TRIM2: variants seen among roughly 807,000 people sequenced by gnomAD.
The protein encoded by TRIM2 is tripartite motif-containing protein 2.
A neutral mutation model predicts 75.2 loss-of-function variants in TRIM2; 20 were observed. That is an observed-to-expected ratio of 0.27 (90% confidence interval 0.19 to 0.39). TRIM2 has a LOEUF of 0.39. Ranked by LOEUF, TRIM2 falls within the 10% of genes least tolerant of loss-of-function variation. The probability of loss-of-function intolerance (pLI) is 1.00; values close to 1 mark genes in which losing one functional copy is unlikely to be tolerated. For missense variants in TRIM2, 660 were observed against 990.8 expected (o/e 0.67, Z 4.48); for synonymous variants, 373 against 388.3 (o/e 0.96, Z 0.46).
intron 1 of TRIM2, among the ~76,000 whole-genome samples, chr4:153,219,260 T>C (rs1253130863): frequency 6.6e-6 from 1 of 152,106 alleles, no homozygotes; most frequent in Non-Finnish European, 1.5e-5. Flanking sequence ...GACCCAACTG[T>C]TGAGGAGTGG....
At chr4:153,199,924 C>T (rs1171549455), upstream of TRIM2, among the ~76,000 whole-genome samples, 1 of 149,560 alleles carries the variant, frequency 6.7e-6, no homozygotes, top group Non-Finnish European at 1.5e-5. Flanking sequence ...CAGGCAGGCA[C>T]CACCATGGCC....
chr4:153,206,759 T>C (rs1735557655), intron 1 of TRIM2, among the ~76,000 whole-genome samples: 1 of 152,182 alleles, frequency 6.6e-6, no homozygotes, highest in South Asian at 2.1e-4. Context: ...CTCTAATCAC[T>C]TGCTTGGTTC....
At chr4:153,330,116 C>G (rs1771136653) in intron 11 of TRIM2, among the ~76,000 whole-genome samples, 1 of 152,108 alleles carries the variant, frequency 6.6e-6, no homozygotes, top group Non-Finnish European at 1.5e-5. Context: ...CTCCACAACT[C>G]CCGTATGAAA....
At chr4:153,281,137 C>A (rs1759245925) in intron 3 of TRIM2, among the ~76,000 whole-genome samples, 2 of 152,318 alleles carry the variant, frequency 1.3e-5, no homozygotes, top group Non-Finnish European at 2.9e-5. Context: ...ATAATCAGTT[C>A]TTTTCAAATT....
intron 1 of TRIM2, among the ~76,000 whole-genome samples, chr4:153,174,043 G>A (rs893080157): frequency 1.1e-5 from 1 of 87,500 alleles, no homozygotes; most frequent in Non-Finnish European, 2.3e-5. Flanking sequence ...GCCACAGGAG[G>A]GACAGTAGCA....
chr4:153,156,734 C>T (rs1356391670), intron 1 of TRIM2: 1 of 152,234 alleles, frequency 6.6e-6, no homozygotes, highest in Non-Finnish European at 1.5e-5. Flanking sequence ...GCCACACAAG[C>T]CACGGAGTAT....
rs770201738 is a variant in TRIM2 at position 153,295,486 on chromosome 4, G to A, written c.960G>A (p.Pro320=). The A allele has an allele frequency of 2.5e-6, 4 of 1,614,172 alleles. No individual in the cohort carries two copies. The highest frequency in any genetic ancestry group is 1.7e-5 in the Admixed American group (1 of 60,018). Residue 320 remains proline (P), a synonymous_variant, in exon 6 of 12, where the codon CCG becomes CCA. Transcript: ENST00000338700. This position sits in a 1 kb window ranked among gnomAD's most constrained non-coding sequence, Gnocchi z 7.2. ...CCGACCAGGACTTCCCCTTGCACCC[G>A]CGGGAGAACGACCAGCTGGATTTCA... ...ELADQDFPLH[P]RENDQLDFIV...
chr4:153,301,549 C>CA (rs1165696528), intron 6 of TRIM2, among the ~76,000 whole-genome samples: 2 of 152,122 alleles, frequency 1.3e-5, no homozygotes, highest in Non-Finnish European at 2.9e-5. Context: ...CATTCATATT[C>CA]AAAAAATCGT....
intron 1 of TRIM2, among the ~76,000 whole-genome samples, chr4:153,231,415 G>T (rs1743580063): frequency 6.6e-6 from 1 of 152,146 alleles, no homozygotes; most frequent in Admixed American, 6.5e-5. Flanking sequence ...AGAACTTAAA[G>T]AATGTGCAAG....
chr4:153,206,595 G>C (rs1735502817), intron 1 of TRIM2, among the ~76,000 whole-genome samples: 1 of 152,088 alleles, frequency 6.6e-6, no homozygotes, highest in African/African-American at 2.4e-5. Flanking sequence ...CCGCTCCTTT[G>C]GGTTTTTATG....
At position 153,328,684 on chromosome 4, in the gene TRIM2, C is replaced by T. The variant is rs1333917295; in HGVS notation, c.2163+14C>T. The T allele has an allele frequency of 4.4e-6, 7 of 1,599,172 alleles. No homozygotes were observed. In the Admixed American group the frequency reaches 1.1e-4, roughly 24 times the overall value. ...AGCAGGATCCAGGTAGATCAATGTG[C>T]TAATGTATATGGTTAGAGTGTTTGG... On this transcript the variant is annotated intron_variant, in intron 11 of 11. Transcript: ENST00000338700.
chr4:153,273,270 CTTTTT>C (rs72414117), intron 2 of TRIM2, among the ~76,000 whole-genome samples: 25 of 57,384 alleles, frequency 4.4e-4, no homozygotes, highest in South Asian at 9.8e-4. Context: ...TACAGTCACT[CTTTTT>C]TTTTTTTTTT....
At chr4:153,202,797 C>A (rs1366961361), upstream of TRIM2, among the ~76,000 whole-genome samples, 1 of 150,860 alleles carries the variant, frequency 6.6e-6, no homozygotes, top group Non-Finnish European at 1.5e-5. Context: ...GGTTAAGCTG[C>A]TGTAATAGCT....
At position 153,337,458 on chromosome 4, in the gene TRIM2, A is replaced by G. The variant is rs1772581642; in HGVS notation, c.*2492A>G. ...GAATAGTTTGATTCAGACCTGCTCC[A>G]CTATGTGTTGCTAAAACACATGCTA... is the stretch of plus-strand genomic sequence containing the variant. On this transcript the variant is annotated 3_prime_UTR_variant, in exon 12 of 12. Coordinates refer to ENST00000338700, the MANE Select transcript of TRIM2 (RefSeq NM_015271.5). 1 of 985,908 alleles carries G rather than the reference A, an allele frequency of 1.0e-6. No individual in the cohort carries two copies. Among genetic ancestry groups the G allele is most frequent in the East Asian group, 1.1e-4 (1 of 8,822 alleles). The allele number at this position is 985,908 out of a possible 1,614,324, so 61.1% of individuals were successfully genotyped here.
At chr4:153,312,243 C>T (rs1396153567) in intron 6 of TRIM2, among the ~76,000 whole-genome samples, 3 of 151,926 alleles carry the variant, frequency 2.0e-5, no homozygotes, top group Non-Finnish European at 4.4e-5. Context: ...AGGACATGAA[C>T]TCATCATTTT....
At chr4:153,261,452 A>C (rs929856826) in intron 1 of TRIM2, among the ~76,000 whole-genome samples, 6 of 152,184 alleles carry the variant, frequency 3.9e-5, no homozygotes, top group Non-Finnish European at 8.8e-5. Context: ...CATCTTAATA[A>C]ATAAGTCCAA....
At chr4:153,285,946 T>C (rs1267455277) in intron 3 of TRIM2, among the ~76,000 whole-genome samples, 13 of 152,232 alleles carry the variant, frequency 8.5e-5, no homozygotes, top group Admixed American at 8.5e-4. Flanking sequence ...GAATATCCTC[T>C]TGTTCTTGAT....
intron 1 of TRIM2, chr4:153,157,295 GAA>G (rs1333309016): frequency 6.6e-6 from 1 of 152,168 alleles, no homozygotes; most frequent in African/African-American, 2.4e-5. Context: ...CACAAAAAAA[GAA>G]AAACCCCAAA....
chr4:153,249,168 A>T (rs1750117957), intron 1 of TRIM2, among the ~76,000 whole-genome samples: 1 of 152,278 alleles, frequency 6.6e-6, no homozygotes, highest in Non-Finnish European at 1.5e-5. Context: ...TGGTGAGACA[A>T]AAAGGTTAGA....
Sources: gnomAD v4.1 joint callset for allele counts (sites outside exome capture counted in the v4.1 genomes callset) on GRCh38, gnomAD v4.1.1 for gene constraint, Gnocchi (gnomAD v3.1) non-coding constraint, MANE v1.5 for transcripts, NCBI Gene and HGNC (gene_info 2026-07-23, HGNC 2026-07-21) for gene names.